NDUFA8: variants seen among roughly 807,000 people sequenced by gnomAD.
The protein encoded by NDUFA8 is NADH dehydrogenase [ubiquinone] 1 alpha subcomplex subunit 8.
NDUFA8 carries 16 observed loss-of-function variants against 20.9 expected under a neutral mutation model. The ratio of observed to expected loss-of-function variants is 0.77; its 90% CI spans 0.52 to 1.16. The LOEUF (loss-of-function observed/expected upper bound fraction) is 1.16, where lower values mean the gene tolerates loss of function less well. Among genes scored for constraint, NDUFA8 ranks in the 50% most tolerant of loss-of-function variants. NDUFA8 has a pLI of 0.00. For synonymous variants in NDUFA8, 70 were observed against 76.1 expected (o/e 0.92, Z 0.41); for missense variants, 202 against 216.4 (o/e 0.93, Z 0.42).
chr9:122,145,036 A>G (rs1828887295), intron 3 of NDUFA8, among the ~76,000 whole-genome samples: 1 of 152,212 alleles, frequency 6.6e-6, no homozygotes. Flanking sequence ...CACTGAGGCC[A>G]CCTAGCTAAT....
chr9:122,146,258 C>G (rs575960113), intron 3 of NDUFA8, among the ~76,000 whole-genome samples: 1 of 152,146 alleles, frequency 6.6e-6, no homozygotes, highest in Non-Finnish European at 1.5e-5. Flanking sequence ...AGCCATGGCA[C>G]CTGATCGAGA....
rs528202232 is a variant in NDUFA8, at chr9:122,150,204, C to T, written c.216-1927G>A. On this transcript the variant is annotated intron_variant, in intron 2 of 3. Transcript: ENST00000373768. ...TTGGGAGGCCAAGGCAGGTGGATCA[C>T]GAGATCAGGAGATTGAGACCATGGT... 2.4e-3 allele frequency among the ~76,000 whole-genome samples: 370 copies of T among 151,930 alleles called. 1 individual carries two copies. Among genetic ancestry groups the T allele is most frequent in the Non-Finnish European group, 3.9e-3 (266 of 67,928 alleles).
At chr9:122,136,105 T>C in the NDUFA8 span, among the ~76,000 whole-genome samples, 1 of 152,372 alleles carries the variant, frequency 6.6e-6, no homozygotes, top group East Asian at 1.9e-4. Flanking sequence ...TGTGTGGCTC[T>C]ATTGCAACTT....
chr9:122,152,641 G>A (rs1378813752), intron 1 of NDUFA8, among the ~76,000 whole-genome samples: 3 of 149,214 alleles, frequency 2.0e-5, no homozygotes, highest in Non-Finnish European at 2.9e-5. Context: ...CTGCAACTTC[G>A]GCCTCCGAGG....
chr9:122,134,970 G>A, the NDUFA8 span, among the ~76,000 whole-genome samples: 2 of 152,234 alleles, frequency 1.3e-5, no homozygotes, highest in African/African-American at 2.4e-5. Flanking sequence ...ACGGGTTCAA[G>A]CTGTGTCCAG....
the NDUFA8 span, among the ~76,000 whole-genome samples, chr9:122,135,203 T>G: frequency 6.6e-6 from 1 of 152,170 alleles, no homozygotes; most frequent in Non-Finnish European, 1.5e-5. Context: ...TGGGGGCACT[T>G]GTCAGTCTGA....
chr9:122,144,801 TTA>T (rs1828877913), intron 3 of NDUFA8, among the ~76,000 whole-genome samples: 1 of 152,114 alleles, frequency 6.6e-6, no homozygotes, highest in South Asian at 2.1e-4. Context: ...AAGACTTAGC[TTA>T]AAGTCTGAGC....
intron 1 of NDUFA8, among the ~76,000 whole-genome samples, chr9:122,158,710 GTATATACA>G (rs1039691559): frequency 4.2e-5 from 6 of 142,240 alleles, no homozygotes; most frequent in Admixed American, 1.4e-4. Flanking sequence ...TATATATATG[GTATATACA>G]TATATATATA....
chr9:122,133,561 A>G, the NDUFA8 span, among the ~76,000 whole-genome samples: 4 of 152,220 alleles, frequency 2.6e-5, no homozygotes, highest in African/African-American at 4.8e-5. Context: ...TCTCAGAAAC[A>G]GGGGAATCAG....
At chr9:122,158,136 G>C (rs993707437) in intron 1 of NDUFA8, among the ~76,000 whole-genome samples, 1 of 152,178 alleles carries the variant, frequency 6.6e-6, no homozygotes, top group Non-Finnish European at 1.5e-5. Flanking sequence ...CTGGGCAACA[G>C]AGCGAGACTC....
downstream of NDUFA8, among the ~76,000 whole-genome samples, chr9:122,143,741 A>G (rs1216807931): frequency 6.6e-6 from 1 of 152,252 alleles, no homozygotes; most frequent in Admixed American, 6.5e-5. Flanking sequence ...GCCTCAAAGA[A>G]GTTTCTGCAC....
chr9:122,147,066 A>G (rs1042161516), intron 3 of NDUFA8, among the ~76,000 whole-genome samples: 17 of 152,210 alleles, frequency 1.1e-4, no homozygotes, highest in Admixed American at 3.3e-4. Flanking sequence ...ACACAGTGAC[A>G]TAAGATTTGT....
intron 1 of NDUFA8, among the ~76,000 whole-genome samples, chr9:122,154,535 T>C (rs1214166004): frequency 6.6e-6 from 1 of 152,250 alleles, no homozygotes; most frequent in East Asian, 1.9e-4. Flanking sequence ...TACTGTATTT[T>C]CTCTCCAGCC....
intron 1 of NDUFA8, among the ~76,000 whole-genome samples, chr9:122,157,709 C>T (rs1829095916): frequency 6.6e-6 from 1 of 151,908 alleles, no homozygotes; most frequent in African/African-American, 2.4e-5. Flanking sequence ...AGAGTGGGGG[C>T]CACATGGCAG....
intron 1 of NDUFA8, among the ~76,000 whole-genome samples, chr9:122,156,991 T>G (rs1331277832): frequency 3.3e-5 from 5 of 152,228 alleles, no homozygotes; most frequent in African/African-American, 4.8e-5. Flanking sequence ...TCTGCTATTA[T>G]ATTAGCAACC....
chr9:122,143,688 A>T (rs998513203), downstream of NDUFA8, among the ~76,000 whole-genome samples: 2 of 152,240 alleles, frequency 1.3e-5, no homozygotes, highest in Non-Finnish European at 2.9e-5. Context: ...TTTGAGCAAG[A>T]CTGCATGAGA....
chr9:122,136,299 C>A, the NDUFA8 span, among the ~76,000 whole-genome samples: 10 of 152,150 alleles, frequency 6.6e-5, no homozygotes, highest in East Asian at 1.9e-3. Context: ...GATAGATGTA[C>A]CAAATTACCT....
At chr9:122,153,281 T>A (rs1006043611) in intron 1 of NDUFA8, among the ~76,000 whole-genome samples, 10 of 141,206 alleles carry the variant, frequency 7.1e-5, no homozygotes, top group Non-Finnish European at 1.6e-4. Context: ...AAAAAAAAAA[T>A]TAAATTAAAT....
intron 1 of NDUFA8, among the ~76,000 whole-genome samples, chr9:122,157,411 C>T (rs1255766201): frequency 6.6e-6 from 1 of 152,198 alleles, no homozygotes; most frequent in African/African-American, 2.4e-5. Flanking sequence ...GGCAGGTAGG[C>T]CTAGAATTTA....
Sources: allele counts gnomAD v4.1 joint callset (sites outside exome capture counted in the v4.1 genomes callset), GRCh38; gene constraint gnomAD v4.1.1; transcripts MANE v1.5; gene names NCBI Gene and HGNC (gene_info 2026-07-23, HGNC 2026-07-21).